Variants in ATP5ME observed in about 807,000 individuals in gnomAD.
ATP5ME encodes ATP synthase membrane subunit e.
In ATP5ME, 10 loss-of-function variants were observed where a neutral mutation model predicts 11.6. The observed-to-expected ratio is 0.86, with a 90% CI of 0.53 to 1.46. The LOEUF (loss-of-function observed/expected upper bound fraction) is 1.46. Among genes scored for constraint, ATP5ME ranks in the 40% most tolerant of loss-of-function variants. ATP5ME has a pLI of 0.00. For synonymous variants in ATP5ME, 45 were observed against 33.5 expected (o/e 1.34, Z -1.19); for missense variants, 115 against 85.4 (o/e 1.35, Z -1.37).
At chr4:673,588 C>G in intron 2 of ATP5ME, 187 bp from the exon 3 acceptor site, 3 of 1,029,246 alleles carry the variant, frequency 2.9e-6, no homozygotes, top group Non-Finnish European at 4.2e-6. Context: ...CTACAGGGCC[C>G]CTGCTGCCCA....
Position 673,236 on chromosome 4 carries a change from C to T in ATP5ME, c.190+67G>A, listed in dbSNP as rs996694352. Reference sequence around the variant, plus strand: ...CTACTTAGCTCTGCTTAAATGTCCTCCTCCATTTTCCTTATCCCTGCACAA... The same window carrying T: ...CTACTTAGCTCTGCTTAAATGTCCTTCTCCATTTTCCTTATCCCTGCACAA... On this transcript the variant is annotated intron_variant, in intron 3 of 3. Transcript: ENST00000304312. 2.5e-6 allele frequency: 4 copies of T among 1,611,146 alleles called. No homozygotes were observed. The African/African-American group carries it at 4.0e-5, about 16-fold the overall frequency.
Position 673,385 on chromosome 4 carries a change from C to T in ATP5ME, c.108G>A (p.Arg36=). The T allele has an allele frequency of 1.2e-6, 2 of 1,614,140 alleles. No individual in the cohort carries two copies. Among genetic ancestry groups the T allele is most frequent in the Non-Finnish European group, 1.7e-6 (2 of 1,180,004 alleles). ...GATRYNYLKP[R]AEEERRIAAE... ...CTGCTATCCTCCTCTCCTCTTCTGC[C>T]CGAGGTTTTAGGTAATCTGTTTGGC... is the stretch of plus-strand genomic sequence containing the variant. The change falls in exon 3 of 4, where the codon CGG becomes CGA. Residue 36 remains arginine (R), a synonymous_variant. Coordinates refer to ENST00000304312, the MANE Select transcript of ATP5ME (RefSeq NM_007100.4).
intron 1 of ATP5ME, 45 bp downstream of exon 1, chr4:674,166 CG>C (rs770028372): frequency 2.1e-5 from 28 of 1,348,454 alleles, no homozygotes; most frequent in Middle Eastern, 2.1e-4. Flanking sequence ...GGGCGGGACA[CG>C]GGGGGGCCCA....
intron 2 of ATP5ME, 88 bp downstream of exon 2, chr4:673,824 C>A (rs1738645171): frequency 1.3e-6 from 2 of 1,499,206 alleles, no homozygotes; most frequent in Admixed American, 2.0e-5. Flanking sequence ...CCCAAGCCCC[C>A]TTCCAGAGCT....
rs758057773 is a variant in ATP5ME at position 672,491 on chromosome 4, C to T, written c.*9G>A. On this transcript the variant is annotated 3_prime_UTR_variant, in exon 4 of 4. Coordinates refer to ENST00000304312, the MANE Select transcript of ATP5ME (RefSeq NM_007100.4). ...CGCTGCTGGTCCAAAGAGTGGGTCG[C>T]AGGGTCACTCACTTTAATATGCTGT... The T allele has an allele frequency of 3.1e-6, 5 of 1,614,038 alleles. No individual in the cohort carries two copies. Among genetic ancestry groups the T allele is most frequent in the East Asian group, 2.2e-5 (1 of 44,884 alleles).
At chr4:674,014 C>CG in intron 1 of ATP5ME, 48 bp from the exon 2 acceptor site, 2 of 874,360 alleles carry the variant, frequency 2.3e-6, no homozygotes, top group Non-Finnish European at 3.5e-6. Flanking sequence ...GCTCGCGGGA[C>CG]GGGGGTCGCG....
At chr4:673,989 G>T in intron 1 of ATP5ME, 23 bp from the exon 2 acceptor site, 1 of 1,542,974 alleles carries the variant, frequency 6.5e-7, no homozygotes. Context: ...TTGGTCAGAG[G>T]CGGCGCGAAA....
Position 673,935 on chromosome 4 carries a change from A to T in ATP5ME, c.68T>A (p.Val23Glu). ...ACTGTAGCGCGTGGCTCCGTAGGCCACACCGAGGAACAGGGCGGAGTAGCG... is the reference window on the plus strand; with the variant it reads ...ACTGTAGCGCGTGGCTCCGTAGGCCTCACCGAGGAACAGGGCGGAGTAGCG... ...LGRYSALFLG[V>E]AYGATRYNYL... Residue 23 changes from valine (V) to glutamate (E), a missense_variant, in exon 2 of 4, where the codon GTG (valine) becomes GAG (glutamate). Transcript: ENST00000304312. 1.3e-6 allele frequency: 2 copies of T among 1,546,074 alleles called. No homozygotes were observed. The highest frequency in any genetic ancestry group is 1.7e-6 in the Non-Finnish European group (2 of 1,146,814).
intron 3 of ATP5ME, 81 bp from the exon 4 acceptor site, chr4:672,600 T>TA: frequency 8.5e-6 from 10 of 1,174,226 alleles, no homozygotes; most frequent in East Asian, 2.6e-5. Context: ...CCAGTTATTT[T>TA]TTTTTTTTTT....
chr4:673,076 G>T (rs569977986), intron 3 of ATP5ME, among the ~76,000 whole-genome samples: 1 of 152,230 alleles, frequency 6.6e-6, no homozygotes, highest in East Asian at 1.9e-4. Context: ...TAGAGACAGG[G>T]TTGCACCATG....
intron 2 of ATP5ME, chr4:673,680 G>A (rs563780252): frequency 1.3e-4 from 102 of 769,180 alleles, no homozygotes; most frequent in African/African-American, 1.1e-3. Context: ...CAGCCATTTA[G>A]CACCCGTTTT....
Position 672,457 on chromosome 4 carries a change from T to G in ATP5ME, c.*43A>C. ...GGAGTATCACACAACACAGGAAGCT[T>G]TATTCATCCGCTGCTGGTCCAAAGA... On this transcript the variant is annotated 3_prime_UTR_variant, in exon 4 of 4. Transcript: ENST00000304312. 1 of 1,613,104 alleles carries G rather than the reference T, an allele frequency of 6.2e-7. No homozygotes were observed. The highest frequency in any genetic ancestry group is 8.5e-7 in the Non-Finnish European group (1 of 1,179,518).
Position 674,265 on chromosome 4 carries a change from C to A in ATP5ME, c.-18G>T. On this transcript the variant is annotated 5_prime_UTR_variant, in exon 1 of 4. Transcript: ENST00000304312. ...GGCACCATCTTGTCCCTGACCTCCG[C>A]ACCGGAAGCACAACCTGCAGACGGA... The A allele has an allele frequency of 1.2e-6, 2 of 1,611,078 alleles. No homozygotes were observed. The highest frequency in any genetic ancestry group is 3.3e-5 in the Admixed American group (2 of 59,856).
At position 673,309 on chromosome 4, in the gene ATP5ME, C is replaced by T; in HGVS notation, c.184G>A (p.Ala62Thr). Residue 62 changes from alanine to threonine, a missense_variant, in exon 3 of 4, where the codon GCA becomes ACA. Transcript: ENST00000304312. The part of the protein sequence containing the change: ...DELKRIAREL[A>T]EDDSILK The stretch of plus-strand genomic sequence containing the variant: ...GAGCCAGTGTCACTCGTACCTTCTG[C>T]CAATTCTCTGGCAATCCGTTTCAGT... 2 of 1,614,204 alleles carry T rather than the reference C, an allele frequency of 1.2e-6. No homozygotes were observed. Among genetic ancestry groups the T allele is most frequent in the Non-Finnish European group, 1.7e-6 (2 of 1,180,006 alleles).
intron 1 of ATP5ME, 23 bp from the exon 2 acceptor site, chr4:673,989 G>A (rs1395412907): frequency 3.9e-6 from 6 of 1,542,974 alleles, no homozygotes; most frequent in Non-Finnish European, 5.2e-6. Context: ...TTGGTCAGAG[G>A]CGGCGCGAAA....
chr4:673,217 A>G, intron 3 of ATP5ME, 86 bp downstream of exon 3: 1 of 1,599,862 alleles, frequency 6.3e-7, no homozygotes, highest in East Asian at 2.2e-5. Flanking sequence ...GCATCTACTT[A>G]GCTCTGCTTA....
chr4:674,190 G>A, intron 1 of ATP5ME, 22 bp downstream of exon 1: 2 of 1,610,166 alleles, frequency 1.2e-6, no homozygotes, highest in South Asian at 1.1e-5. Flanking sequence ...GCACTGGGCG[G>A]CGGCTGCAAA....
chr4:672,613 T>TG, intron 3 of ATP5ME, 94 bp from the exon 4 acceptor site: 3 of 1,435,716 alleles, frequency 2.1e-6, no homozygotes, highest in Non-Finnish European at 2.8e-6. Flanking sequence ...TTTTTTTTTT[T>TG]TTTGTTTTGA....
In ATP5ME at chr4:673,383, G is replaced by A. The variant is rs755191067; in HGVS notation, c.110C>T (p.Ala37Val). The change falls in exon 3 of 4, where the codon GCA becomes GTA. Residue 37 changes from alanine to valine, a missense_variant. Coordinates refer to ENST00000304312, the MANE Select transcript of ATP5ME (RefSeq NM_007100.4). ...ATRYNYLKPR[A>V]EEERRIAAEE... The stretch of plus-strand genomic sequence containing the variant: ...TGCTGCTATCCTCCTCTCCTCTTCT[G>A]CCCGAGGTTTTAGGTAATCTGTTTG... 5 of 1,614,092 alleles carry A rather than the reference G, an allele frequency of 3.1e-6. No individual in the cohort carries two copies. The highest frequency in any genetic ancestry group is 4.2e-6 in the Non-Finnish European group (5 of 1,180,008).
Sources: allele counts gnomAD v4.1 joint callset (sites outside exome capture counted in the v4.1 genomes callset), GRCh38; gene constraint gnomAD v4.1.1; transcripts MANE v1.5; gene names NCBI Gene and HGNC (gene_info 2026-07-23, HGNC 2026-07-21).